Variants in CAPZA1 observed in about 807,000 individuals in gnomAD.
CAPZA1 encodes the protein capping actin protein of muscle Z-line subunit alpha 1.
In CAPZA1, 10 loss-of-function variants were observed where a neutral mutation model predicts 40.8. That is an observed-to-expected ratio of 0.25 (90% CI 0.15 to 0.42). CAPZA1 has a LOEUF of 0.42. Among genes scored for constraint, CAPZA1 ranks in the 10% least tolerant of loss-of-function variants. The probability of loss-of-function intolerance (pLI) is 1.00; values close to 1 mark genes in which losing one functional copy is unlikely to be tolerated. For missense variants in CAPZA1, 277 were observed against 353.8 expected (o/e 0.78, Z 1.74); for synonymous variants, 98 against 115.0 (o/e 0.85, Z 0.95).
Position 112,670,254 on chromosome 1 carries a change from T to G in CAPZA1, c.*122T>G, listed in dbSNP as rs1671802177. 16 of 1,062,162 alleles carry G rather than the reference T, an allele frequency of 1.5e-5. No homozygotes were observed. Among genetic ancestry groups the G allele is most frequent in the Non-Finnish European group, 1.9e-5 (14 of 724,772 alleles). The allele number at this position is 1,062,162 out of a possible 1,614,324, so 65.8% of individuals were successfully genotyped here. On this transcript the variant is annotated 3_prime_UTR_variant, in exon 10 of 10. Transcript: ENST00000263168. Reference sequence around the variant, plus strand: ...CTAGGGCTTTCAAAGTTAACCGGTTTTCTAGCCTCATGGAATACTGTTGAA... The same window carrying G: ...CTAGGGCTTTCAAAGTTAACCGGTTGTCTAGCCTCATGGAATACTGTTGAA...
At chr1:112,660,077 A>T (rs1441227249) in intron 7 of CAPZA1, among the ~76,000 whole-genome samples, 1 of 151,914 alleles carries the variant, frequency 6.6e-6, no homozygotes, top group Non-Finnish European at 1.5e-5. Context: ...AATTAATAAT[A>T]ATAATAATTA....
intron 7 of CAPZA1, among the ~76,000 whole-genome samples, chr1:112,664,796 G>A (rs1352083268): frequency 1.3e-5 from 2 of 152,032 alleles, no homozygotes; most frequent in Admixed American, 6.5e-5. Flanking sequence ...TTAGCCGGGC[G>A]TGGTTGCGGG....
chr1:112,641,942 A>T (rs932664280), intron 1 of CAPZA1, among the ~76,000 whole-genome samples: 1 of 151,920 alleles, frequency 6.6e-6, no homozygotes, highest in Non-Finnish European at 1.5e-5. Context: ...TCATTTGAAA[A>T]TAATAAACCT....
At chr1:112,638,945 TATAGAG>T (rs1273447861) in intron 1 of CAPZA1, among the ~76,000 whole-genome samples, 1 of 149,100 alleles carries the variant, frequency 6.7e-6, no homozygotes, top group Non-Finnish European at 1.5e-5. Flanking sequence ...TAGGTATAGA[TATAGAG>T]ATAGAGATAT....
chr1:112,644,121 A>G (rs1335916889), intron 1 of CAPZA1, among the ~76,000 whole-genome samples: 1 of 146,254 alleles, frequency 6.8e-6, no homozygotes, highest in Admixed American at 6.9e-5. Context: ...CTGGGATTAC[A>G]GGCGTGATCT....
chr1:112,655,609 C>A (rs963589542), intron 5 of CAPZA1, among the ~76,000 whole-genome samples: 3 of 152,112 alleles, frequency 2.0e-5, no homozygotes, highest in Non-Finnish European at 2.9e-5. Context: ...GTCACCCAGG[C>A]TAGAATGCAG....
intron 1 of CAPZA1, among the ~76,000 whole-genome samples, chr1:112,632,040 C>T (rs555947530): frequency 8.4e-4 from 128 of 152,202 alleles, no homozygotes; most frequent in Non-Finnish European, 1.0e-3. Flanking sequence ...TGTGGTGGCT[C>T]ATGCCCGTAA....
chr1:112,653,734 G>GCTT, intron 4 of CAPZA1, 73 bp downstream of exon 4: 3 of 983,510 alleles, frequency 3.1e-6, no homozygotes, highest in Non-Finnish European at 4.7e-6. Flanking sequence ...CAAAGCAGAT[G>GCTT]TCTGAACCAG....
chr1:112,655,340 G>A (rs1433180738), intron 5 of CAPZA1, among the ~76,000 whole-genome samples: 1 of 152,046 alleles, frequency 6.6e-6, no homozygotes, highest in African/African-American at 2.4e-5. Flanking sequence ...AGCTGGATGT[G>A]GTGGTGCACA....
chr1:112,659,584 CTCTT>C, intron 6 of CAPZA1, 113 bp from the exon 7 acceptor site: 1 of 373,378 alleles, frequency 2.7e-6, no homozygotes, highest in South Asian at 3.6e-5. Flanking sequence ...TTCTCTCTCT[CTCTT>C]TTTTTTTTTC....
At chr1:112,663,892 T>C (rs1671667744) in intron 7 of CAPZA1, among the ~76,000 whole-genome samples, 2 of 152,162 alleles carry the variant, frequency 1.3e-5, no homozygotes, top group South Asian at 4.1e-4. Context: ...GTATGGAAAG[T>C]CTAGCTTCTC....
At chr1:112,648,963 CAA>C (rs34641909) in intron 2 of CAPZA1, among the ~76,000 whole-genome samples, 1 of 132,764 alleles carries the variant, frequency 7.5e-6, no homozygotes. Flanking sequence ...GACTTCGTCT[CAA>C]AAAAAAAAAA....
rs1200815442 is a variant in CAPZA1 at position 112,670,364 on chromosome 1, T to TTTC, written c.*234_*235insCTT. The TTTC allele has an allele frequency of 2.3e-4, 68 of 296,708 alleles. No individual in the cohort carries two copies. In the South Asian group the frequency reaches 2.9e-3, roughly 13 times the overall value. 18.4% of individuals were successfully genotyped at this position (296,708 alleles called of 1,614,324 possible). ...TATCTACGTGTAAATCTTTTTTTCTTTTTTTTTTTTTTTTTTTGGTTAATT... is the reference window on the plus strand; with the variant it reads ...TATCTACGTGTAAATCTTTTTTTCTTTTCTTTTTTTTTTTTTTTTTGGTTAATT... On this transcript the variant is annotated 3_prime_UTR_variant, in exon 10 of 10. Coordinates refer to ENST00000263168, the MANE Select transcript of CAPZA1 (RefSeq NM_006135.3).
chr1:112,663,622 C>T (rs965333024), intron 7 of CAPZA1, among the ~76,000 whole-genome samples: 2 of 152,128 alleles, frequency 1.3e-5, no homozygotes, highest in African/African-American at 4.8e-5. Flanking sequence ...CTGTCTCAGC[C>T]TCCCAAGTAG....
intron 3 of CAPZA1, 32 bp from the exon 4 acceptor site, chr1:112,653,566 T>C: frequency 7.2e-7 from 1 of 1,379,412 alleles, no homozygotes; most frequent in Non-Finnish European, 1.0e-6. Flanking sequence ...TCTTTTTTTT[T>C]TTTTTTTTAA....
At position 112,670,060 on chromosome 1, in the gene CAPZA1, A is replaced by T; in HGVS notation, c.789A>T (p.Pro263=). The T allele has an allele frequency of 6.2e-7, 1 of 1,613,928 alleles. No individual in the cohort carries two copies. The highest frequency in any genetic ancestry group is 8.5e-7 in the Non-Finnish European group (1 of 1,179,838). Residue 263 remains proline (P), a synonymous_variant, in exon 10 of 10, where the codon CCA becomes CCT. Coordinates refer to ENST00000263168, the MANE Select transcript of CAPZA1 (RefSeq NM_006135.3). ...TCAAGGCCTTGCGCCGGCAGCTTCC[A>T]GTTACCCGCACCAAAATCGACTGGA... The part of the protein sequence containing the change: ...TTFKALRRQL[P]VTRTKIDWNK...
intron 8 of CAPZA1, among the ~76,000 whole-genome samples, chr1:112,668,550 G>A (rs1671770286): frequency 6.6e-6 from 1 of 152,114 alleles, no homozygotes; most frequent in African/African-American, 2.4e-5. Context: ...CTGGAGCACT[G>A]TCTTGGCTCA....
chr1:112,641,612 G>A (rs12086087), intron 1 of CAPZA1, among the ~76,000 whole-genome samples: 9,824 of 151,886 alleles, frequency 0.065, 781 homozygotes, highest in African/African-American at 0.19. Flanking sequence ...AACTGAGGCC[G>A]GGCGCAGTGG....
chr1:112,637,131 C>T (rs1671035798), intron 1 of CAPZA1, among the ~76,000 whole-genome samples: 1 of 152,210 alleles, frequency 6.6e-6, no homozygotes, highest in African/African-American at 2.4e-5. Flanking sequence ...CAGCTCCACC[C>T]ATTTATTATA....
Sources: gnomAD v4.1 joint callset for allele counts (sites outside exome capture counted in the v4.1 genomes callset) on GRCh38, gnomAD v4.1.1 for gene constraint, MANE v1.5 for transcripts, NCBI Gene and HGNC (gene_info 2026-07-23, HGNC 2026-07-21) for gene names.